Variants in CAGE1 observed in about 807,000 individuals in gnomAD.
CAGE1 encodes cancer antigen 1, also known as cancer-associated gene 1 protein.
A neutral mutation model predicts 94.9 loss-of-function variants in CAGE1; 66 were observed. The observed-to-expected ratio is 0.70, with a 90% CI of 0.57 to 0.85. The LOEUF is 0.85. CAGE1 is among the 40% of genes least tolerant of loss of function. The pLI is 0.00. For synonymous variants in CAGE1, 319 were observed against 321.0 expected (o/e 0.99, Z 0.07); for missense variants, 865 against 950.4 (o/e 0.91, Z 1.18).
intron 7 of CAGE1, 96 bp downstream of exon 7, chr6:7,368,592 A>G (rs992817033): frequency 3.2e-6 from 2 of 616,562 alleles, no homozygotes; most frequent in African/African-American, 3.8e-5. Flanking sequence ...ATAATTTTTA[A>G]AATGATTCCA....
intron 10 of CAGE1, among the ~76,000 whole-genome samples, 197 bp downstream of exon 10, chr6:7,355,828 C>T (rs777753688): frequency 3.3e-5 from 5 of 152,088 alleles, no homozygotes; most frequent in African/African-American, 4.8e-5. Flanking sequence ...ATAGCGAGAC[C>T]ATGTCTCTAC....
intron 11 of CAGE1, chr6:7,341,750 A>C (rs1350031404): frequency 1.4e-6 from 1 of 690,208 alleles, no homozygotes; most frequent in African/African-American, 1.8e-5. Flanking sequence ...CTTGGATCAC[A>C]CAGAACCATG....
In CAGE1 at chr6:7,341,920, A is replaced by T. The variant is rs1056908913; in HGVS notation, c.2370-7830T>A. 7 of 706,244 alleles carry T rather than the reference A, an allele frequency of 9.9e-6. No homozygotes were observed. The African/African-American group carries it at 1.2e-4, about 12-fold the overall frequency. 43.7% of individuals were successfully genotyped at this position (706,244 alleles called of 1,614,324 possible). On this transcript the variant is annotated intron_variant, in intron 11 of 13. Coordinates refer to ENST00000502583, the MANE Select transcript of CAGE1 (RefSeq NM_001170692.2). ...AGGGTACTGCAGCAAGATGTCCTCA[A>T]TGCCGTTCGTGTCACTTTCTTGCAA...
intron 3 of CAGE1, among the ~76,000 whole-genome samples, chr6:7,379,446 CA>C (rs1264705822): frequency 6.6e-6 from 1 of 152,172 alleles, no homozygotes; most frequent in Non-Finnish European, 1.5e-5. Flanking sequence ...CCCTATTTTA[CA>C]GATAAGGAAA....
Position 7,372,326 on chromosome 6 carries a change from C to T in CAGE1, c.1746+747G>A, listed in dbSNP as rs556153555. ...ATCTCTACTAAAAATACAAAATTAGCTGGGCATGGTGGCGCACGCCTGTAA... is the reference window on the plus strand; with the variant it reads ...ATCTCTACTAAAAATACAAAATTAGTTGGGCATGGTGGCGCACGCCTGTAA... On this transcript the variant is annotated intron_variant, in intron 5 of 13. Transcript: ENST00000502583. Among the ~76,000 whole-genome samples the T allele has an allele frequency of 1.9e-4, 29 of 152,110 alleles. No individual in the cohort carries two copies. The South Asian group carries it at 5.6e-3, about 29-fold the overall frequency.
chr6:7,343,198 A>AAAAAGAAG (rs1759255796), intron 11 of CAGE1, among the ~76,000 whole-genome samples: 2 of 137,320 alleles, frequency 1.5e-5, no homozygotes, highest in African/African-American at 2.8e-5. Context: ...CACAAAAAAA[A>AAAAAGAAG]AAAAGAAAAG....
intron 11 of CAGE1, among the ~76,000 whole-genome samples, chr6:7,346,714 G>GT (rs1759556152): frequency 6.6e-6 from 1 of 151,500 alleles, no homozygotes; most frequent in Non-Finnish European, 1.5e-5. Flanking sequence ...GCCAGGTGTG[G>GT]TAGTGCACAC....
chr6:7,340,783 C>T (rs969955862), intron 11 of CAGE1: 5 of 360,406 alleles, frequency 1.4e-5, no homozygotes, highest in African/African-American at 8.7e-5. Context: ...TAGAGCTACT[C>T]GTTGGGAGGC....
intron 13 of CAGE1, among the ~76,000 whole-genome samples, chr6:7,328,685 T>C (rs1758615200): frequency 6.6e-6 from 1 of 152,116 alleles, no homozygotes; most frequent in Admixed American, 6.5e-5. Context: ...CCCAGTGTTC[T>C]GTAACACTGC....
intron 9 of CAGE1, among the ~76,000 whole-genome samples, chr6:7,359,539 G>T (rs886288919): frequency 2.0e-5 from 3 of 152,158 alleles, no homozygotes; most frequent in African/African-American, 7.2e-5. Context: ...GAACACACAT[G>T]TTGGGTCATG....
chr6:7,346,385 T>C (rs1759537290), intron 11 of CAGE1, among the ~76,000 whole-genome samples: 1 of 151,796 alleles, frequency 6.6e-6, no homozygotes. Context: ...CAAGACCCTG[T>C]TTCTAAAATA....
rs1206128623 is a variant in CAGE1, at chr6:7,362,582, C to T, written c.2193+2886G>A. ...GGTCAGAACTGTGAAGAGGAGCCAA[C>T]GGCAAGGGGTCAGAAGGACATGAGA... On this transcript the variant is annotated intron_variant, in intron 9 of 13. Transcript: ENST00000502583. This position sits in a 1 kb window ranked among gnomAD's most constrained non-coding sequence, Gnocchi z 4.1. 2.0e-5 allele frequency among the ~76,000 whole-genome samples: 3 copies of T among 152,136 alleles called. No homozygotes were observed. Among genetic ancestry groups the T allele is most frequent in the Non-Finnish European group, 4.4e-5 (3 of 68,026 alleles).
At chr6:7,349,952 GAAAGAAAGAAAGAAGAAA>G (rs1759708940) in intron 11 of CAGE1, among the ~76,000 whole-genome samples, 1 of 69,086 alleles carries the variant, frequency 1.4e-5, no homozygotes. Flanking sequence ...AAAAAAGAAA[GAAAGAAAGAAAGAAGAAA>G]AAAAAAGAAC....
rs770178696 is a variant in CAGE1 at position 7,368,691 on chromosome 6, TTTA to T, written c.1998_2000del (p.Asp666_Lys667delinsGlu). ...AGAAGAAGAATAAATATAATACCTCTTTATCTAAAGTTTTCTTTTTAAGATGGA... is the reference window on the plus strand; with the variant it reads ...AGAAGAAGAATAAATATAATACCTCTTCTAAAGTTTTCTTTTTAAGATGGA... On this transcript the variant is annotated inframe_deletion, in exon 7 of 14. Coordinates refer to ENST00000502583, the MANE Select transcript of CAGE1 (RefSeq NM_001170692.2). 9 of 1,452,072 alleles carry T rather than the reference TTTA, an allele frequency of 6.2e-6. 1 individual carries two copies. The South Asian group carries it at 1.2e-4, about 20-fold the overall frequency. The allele number at this position is 1,452,072 out of a possible 1,614,324, so 89.9% of individuals were successfully genotyped here.
rs189003889 is a variant in CAGE1 at position 7,337,576 on chromosome 6, G to A, written c.2370-3486C>T. On this transcript the variant is annotated intron_variant, in intron 11 of 13. Coordinates refer to ENST00000502583, the MANE Select transcript of CAGE1 (RefSeq NM_001170692.2). ...TGTATAAATCAAAGTTAATTTTTTT[G>A]AAAATGGGCAATGATTTCAGCACCA... Among the ~76,000 whole-genome samples, 3 of 152,072 alleles carry A rather than the reference G, an allele frequency of 2.0e-5. No individual in the cohort carries two copies. The East Asian group carries it at 5.8e-4, about 29-fold the overall frequency.
intron 4 of CAGE1, among the ~76,000 whole-genome samples, chr6:7,374,756 G>A (rs1760677454): frequency 6.6e-6 from 1 of 152,298 alleles, no homozygotes; most frequent in South Asian, 2.1e-4. Flanking sequence ...TAGGCCGGGC[G>A]AGGTAGCTCA....
intron 3 of CAGE1, among the ~76,000 whole-genome samples, chr6:7,382,811 G>A (rs1339785826): frequency 1.3e-5 from 2 of 152,000 alleles, no homozygotes; most frequent in Non-Finnish European, 2.9e-5. Flanking sequence ...TCAGGAGGCC[G>A]AGGCAGGAGA....
At chr6:7,338,916 G>C in intron 11 of CAGE1, 1 of 1,591,090 alleles carries the variant, frequency 6.3e-7, no homozygotes, top group Non-Finnish European at 8.6e-7. Context: ...GTGGTGGGCA[G>C]TTATCTCATC....
At chr6:7,378,462 T>C (rs189549274) in intron 4 of CAGE1, 155 bp downstream of exon 4, 2,669 of 191,004 alleles carry the variant, frequency 0.014, 35 homozygotes, top group Non-Finnish European at 0.018. Context: ...TATATATATA[T>C]ATATACAATT....
Sources: gnomAD v4.1 joint callset for allele counts (sites outside exome capture counted in the v4.1 genomes callset) on GRCh38, gnomAD v4.1.1 for gene constraint, Gnocchi (gnomAD v3.1) non-coding constraint, MANE v1.5 for transcripts, NCBI Gene and HGNC (gene_info 2026-07-23, HGNC 2026-07-21) for gene names.